Variants in BPI observed in about 807,000 individuals in gnomAD.
The protein encoded by BPI is bactericidal permeability-increasing protein.
Under a neutral mutation model 57.6 loss-of-function variants are expected in BPI, and 48 were observed. The observed-to-expected ratio is 0.83, with a 90% CI of 0.66 to 1.06. The LOEUF (loss-of-function observed/expected upper bound fraction) is 1.06, where lower values mean the gene tolerates loss of function less well. Ranked by LOEUF, BPI falls within the 50% of genes least tolerant of loss-of-function variation. The pLI, the probability that BPI is intolerant of heterozygous loss-of-function variation, is 0.00. For missense variants in BPI, 651 were observed against 609.7 expected (o/e 1.07, Z -0.71); for synonymous variants, 237 against 238.2 (o/e 0.99, Z 0.05).
At position 38,320,470 on chromosome 20, in the gene BPI, C is replaced by G. The variant is rs112677368; in HGVS notation, c.756+196C>G. Reference sequence around the variant, plus strand: ...CATTCCCCGAAACACACCATGCCTGCCCCACCCCCCTCCAAAGGCCTTTGC... The same window carrying G: ...CATTCCCCGAAACACACCATGCCTGGCCCACCCCCCTCCAAAGGCCTTTGC... On this transcript the variant is annotated intron_variant, in intron 7 of 14. Transcript: ENST00000642449. Among the ~76,000 whole-genome samples the G allele has an allele frequency of 6.8e-3, 1,038 of 151,830 alleles. 7 individuals are homozygous for G. The highest frequency in any genetic ancestry group is 0.012 in the Non-Finnish European group (801 of 67,898).
At chr20:38,317,176 C>T (rs1382923181) in intron 5 of BPI, among the ~76,000 whole-genome samples, 4 of 152,296 alleles carry the variant, frequency 2.6e-5, no homozygotes, top group South Asian at 2.1e-4. Context: ...AGGGAAGGAG[C>T]TTGTCTGACC....
chr20:38,324,641 G>C (rs2076702834), intron 8 of BPI, 133 bp from the exon 9 acceptor site: 1 of 722,628 alleles, frequency 1.4e-6, no homozygotes, highest in Middle Eastern at 2.5e-4. Context: ...TTGTGGGTCA[G>C]TGCTCTGTTG....
intron 5 of BPI, among the ~76,000 whole-genome samples, chr20:38,313,635 G>A (rs925589456): frequency 1.3e-5 from 2 of 152,212 alleles, no homozygotes; most frequent in African/African-American, 4.8e-5. Flanking sequence ...TAGCAGCCAA[G>A]CTAATAAGTA....
Position 38,324,099 on chromosome 20 carries a change from C to A in BPI, c.933+53C>A, listed in dbSNP as rs5743515. The A allele has an allele frequency of 1.7e-4, 263 of 1,564,860 alleles. 1 individual carries two copies. In the African/African-American group the frequency reaches 3.4e-3, roughly 20 times the overall value. On this transcript the variant is annotated intron_variant, in intron 8 of 14. Coordinates refer to ENST00000642449, the MANE Select transcript of BPI (RefSeq NM_001725.3). ...GAAGAGCACTGGACCCAGAATCCTG[C>A]AGACCTTCCAGACAAATCTGGAAAA...
At chr20:38,305,324 G>C (rs577165427) in intron 1 of BPI, among the ~76,000 whole-genome samples, 97 of 152,312 alleles carry the variant, frequency 6.4e-4, no homozygotes, top group African/African-American at 2.3e-3. Context: ...GGCTCAGTCA[G>C]GGTCTTTAAG....
chr20:38,309,289 GT>G (rs1436294365), intron 3 of BPI, among the ~76,000 whole-genome samples: 5 of 152,228 alleles, frequency 3.3e-5, no homozygotes. Context: ...GTTGGTGTAT[GT>G]GGCTTAGGGT....
intron 10 of BPI, 117 bp downstream of exon 10, chr20:38,326,549 C>A: frequency 7.9e-7 from 1 of 1,269,846 alleles, no homozygotes; most frequent in Non-Finnish European, 1.0e-6. Context: ...TGTGTCACTC[C>A]GGAGCCTGAG....
Position 38,323,467 on chromosome 20 carries a change from T to C in BPI, c.757-403T>C, listed in dbSNP as rs114862081. ...AAGTTTACCGACGAAACAAACAGGA[T>C]TTCACTGTTCTTTTCGTAGGGTTTC... On this transcript the variant is annotated intron_variant, in intron 7 of 14. Coordinates refer to ENST00000642449, the MANE Select transcript of BPI (RefSeq NM_001725.3). Among the ~76,000 whole-genome samples, 785 of 152,336 alleles carry C rather than the reference T, an allele frequency of 5.2e-3. 5 individuals are homozygous for C. Among genetic ancestry groups the C allele is most frequent in the African/African-American group, 0.018 (766 of 41,574 alleles).
At chr20:38,318,520 G>C (rs372591755) in intron 6 of BPI, 44 bp downstream of exon 6, 13 of 1,594,110 alleles carry the variant, frequency 8.2e-6, no homozygotes, top group African/African-American at 5.4e-5. Flanking sequence ...AACAGAAATG[G>C]GAGGGGGTGA....
intron 5 of BPI, among the ~76,000 whole-genome samples, chr20:38,315,357 G>T (rs1309109354): frequency 6.6e-6 from 1 of 152,220 alleles, no homozygotes; most frequent in Non-Finnish European, 1.5e-5. Context: ...GAAATGGTGA[G>T]AAGTGAGCCA....
At chr20:38,332,807 T>C (rs944207632) in intron 12 of BPI, among the ~76,000 whole-genome samples, 2 of 152,138 alleles carry the variant, frequency 1.3e-5, no homozygotes, top group African/African-American at 2.4e-5. Flanking sequence ...ACGAGGGGCA[T>C]TGATGACGAG....
chr20:38,327,506 G>A, intron 10 of BPI, 82 bp from the exon 11 acceptor site: 8 of 1,508,670 alleles, frequency 5.3e-6, no homozygotes, highest in Non-Finnish European at 7.3e-6. Context: ...GAGCCGTTGT[G>A]AAGCTGACCC....
In BPI at chr20:38,329,852, A is replaced by G. The variant is rs7270542; in HGVS notation, c.1230-1196A>G. Among the ~76,000 whole-genome samples, 362 of 152,070 alleles carry G rather than the reference A, an allele frequency of 2.4e-3. 4 individuals are homozygous for G. Among genetic ancestry groups the G allele is most frequent in the African/African-American group, 8.3e-3 (344 of 41,484 alleles). On this transcript the variant is annotated intron_variant, in intron 11 of 14. Transcript: ENST00000642449. ...CTCAGCCTCCCGTGTAGCTGGGACTACAGGTGCGCACCACCACACCTGGCT... is the reference window on the plus strand; with the variant it reads ...CTCAGCCTCCCGTGTAGCTGGGACTGCAGGTGCGCACCACCACACCTGGCT...
intron 7 of BPI, 92 bp from the exon 8 acceptor site, chr20:38,323,778 T>C: frequency 1.4e-6 from 2 of 1,384,454 alleles, no homozygotes; most frequent in Non-Finnish European, 2.0e-6. Context: ...AAGTGTACAA[T>C]TGGTGTCTTC....
At chr20:38,319,393 C>G (rs1288427646) in intron 6 of BPI, among the ~76,000 whole-genome samples, 1 of 152,226 alleles carries the variant, frequency 6.6e-6, no homozygotes, top group Non-Finnish European at 1.5e-5. Context: ...CTTTCAGCTG[C>G]TCTCAGGACT....
intron 5 of BPI, chr20:38,318,110 A>G: frequency 1.1e-6 from 1 of 908,228 alleles, no homozygotes; most frequent in Non-Finnish European, 1.3e-6. Context: ...AAAACAAAAC[A>G]ACAACAGCAA....
chr20:38,314,066 G>A (rs1166192092), intron 5 of BPI, among the ~76,000 whole-genome samples: 1 of 150,578 alleles, frequency 6.6e-6, no homozygotes, highest in African/African-American at 2.4e-5. Context: ...ATTATGGTGA[G>A]GTTGATGATG....
intron 5 of BPI, among the ~76,000 whole-genome samples, chr20:38,314,595 A>G (rs2076642005): frequency 7.1e-6 from 1 of 140,686 alleles, no homozygotes. Context: ...GGTGGGGATG[A>G]TGATAATAAT....
At chr20:38,326,769 T>C (rs1394606195) in intron 10 of BPI, among the ~76,000 whole-genome samples, 1 of 152,254 alleles carries the variant, frequency 6.6e-6, no homozygotes. Flanking sequence ...ATTTGTGTAT[T>C]TGTTCATTCA....
Sources: allele counts gnomAD v4.1 joint callset (sites outside exome capture counted in the v4.1 genomes callset), GRCh38; gene constraint gnomAD v4.1.1; transcripts MANE v1.5; gene names NCBI Gene and HGNC (gene_info 2026-07-23, HGNC 2026-07-21).